The following CATSPERE variants were observed in gnomAD, a reference collection of about 807,000 sequenced individuals.
CATSPERE encodes catsper channel auxiliary subunit epsilon, also known as cation channel sperm-associated auxiliary subunit epsilon.
CATSPERE carries 93 observed loss-of-function variants against 114.1 expected under a neutral mutation model. That is an observed-to-expected ratio of 0.81 (90% CI 0.69 to 0.97). The LOEUF is 0.97. CATSPERE is among the 50% of genes least tolerant of loss of function. CATSPERE has a pLI of 0.00. For missense variants in CATSPERE, 1,058 were observed against 1,131.6 expected, an observed-to-expected ratio of 0.93 and a Z score of 0.93; for synonymous variants, 341 against 384.1, an observed-to-expected ratio of 0.89 and a Z score of 1.31.
intron 8 of CATSPERE, among the ~76,000 whole-genome samples, chr1:244,526,427 AAAAG>A (rs1678612734): frequency 6.6e-6 from 1 of 151,846 alleles, no homozygotes; most frequent in African/African-American, 2.4e-5. Context: ...AAAAAAAAGG[AAAAG>A]AAAATAATTT....
intron 8 of CATSPERE, among the ~76,000 whole-genome samples, chr1:244,548,240 A>G (rs1337873100): frequency 6.6e-6 from 1 of 152,246 alleles, no homozygotes; most frequent in Admixed American, 6.5e-5. Flanking sequence ...CACCATTGTC[A>G]TCACCCAATG....
intron 7 of CATSPERE, 80 bp from the exon 8 acceptor site, chr1:244,518,512 A>G: frequency 1.1e-6 from 1 of 887,516 alleles, no homozygotes; most frequent in Non-Finnish European, 1.8e-6. Context: ...GAAAATAACA[A>G]ATTCAATATA....
At chr1:244,621,030 T>C (rs1387145224) in intron 20 of CATSPERE, among the ~76,000 whole-genome samples, 1 of 99,772 alleles carries the variant, frequency 1.0e-5, no homozygotes, top group East Asian at 2.4e-4. Context: ...TATATATAAA[T>C]ATATATAAAA....
chr1:244,500,825 C>A (rs1673925470), intron 7 of CATSPERE, among the ~76,000 whole-genome samples: 1 of 152,156 alleles, frequency 6.6e-6, no homozygotes, highest in Non-Finnish European at 1.5e-5. Flanking sequence ...CTTGGCTATT[C>A]AGGCTCTGTT....
At chr1:244,586,835 G>A (rs924421453) in intron 13 of CATSPERE, among the ~76,000 whole-genome samples, 2 of 152,144 alleles carry the variant, frequency 1.3e-5, no homozygotes, top group African/African-American at 2.4e-5. Context: ...GGAGCCAGGT[G>A]GAAATGGAAG....
At chr1:244,508,090 C>T (rs1675090798) in intron 7 of CATSPERE, among the ~76,000 whole-genome samples, 1 of 151,908 alleles carries the variant, frequency 6.6e-6, no homozygotes, top group African/African-American at 2.4e-5. Context: ...ATTAATTGGT[C>T]TGATACTGCA....
chr1:244,565,196 G>A (rs1017866180), intron 10 of CATSPERE, among the ~76,000 whole-genome samples: 1 of 152,152 alleles, frequency 6.6e-6, no homozygotes, highest in Non-Finnish European at 1.5e-5. Flanking sequence ...CAGGGATATT[G>A]GCCTGAAATT....
Position 244,605,798 on chromosome 1 carries a change from T to C in CATSPERE, c.2403+4T>C, listed in dbSNP as rs763080765. ...CTTTAATAATACTATGGCACAGGTA[T>C]GGCATCTTTGGATTTAACCAGAATT... is the stretch of plus-strand genomic sequence containing the variant. On this transcript the variant is annotated splice_donor_region_variant and intron_variant, in intron 18 of 21. Coordinates refer to ENST00000366534, the MANE Select transcript of CATSPERE (RefSeq NM_001130957.2). The C allele has an allele frequency of 1.0e-5, 16 of 1,586,072 alleles. No individual in the cohort carries two copies. Among genetic ancestry groups the C allele is most frequent in the Non-Finnish European group, 1.4e-5 (16 of 1,159,810 alleles).
At chr1:244,577,572 TC>T (rs1558528621) in intron 11 of CATSPERE, among the ~76,000 whole-genome samples, 2 of 152,272 alleles carry the variant, frequency 1.3e-5, no homozygotes, top group East Asian at 3.9e-4. Flanking sequence ...GAGGGACCGT[TC>T]CTCACAGACA....
chr1:244,588,217 A>C (rs1223990374), intron 13 of CATSPERE, among the ~76,000 whole-genome samples: 2 of 150,086 alleles, frequency 1.3e-5, no homozygotes, highest in Admixed American at 6.6e-5. Flanking sequence ...AAAAAGATGA[A>C]TTTGGATCAA....
intron 6 of CATSPERE, among the ~76,000 whole-genome samples, chr1:244,497,802 AAAAT>A (rs1279116569): frequency 2.6e-5 from 4 of 152,146 alleles, no homozygotes; most frequent in Non-Finnish European, 4.4e-5. Flanking sequence ...ATCTCAAATA[AAAAT>A]AAATAAAAAT....
Position 244,567,632 on chromosome 1 carries a change from G to A in CATSPERE, c.1508-4698G>A, listed in dbSNP as rs146324603. The stretch of plus-strand genomic sequence containing the variant: ...CTGATATCCTTTCTTCTGCTTGATC[G>A]ATTTGGCTATTGATACTGGTGTATA... On this transcript the variant is annotated intron_variant, in intron 10 of 21. Transcript: ENST00000366534. Among the ~76,000 whole-genome samples the A allele has an allele frequency of 9.6e-3, 1,458 of 151,194 alleles. 27 individuals carry two copies. The highest frequency in any genetic ancestry group is 0.032 in the African/African-American group (1,334 of 41,178).
At chr1:244,496,897 G>A (rs993744735) in intron 6 of CATSPERE, among the ~76,000 whole-genome samples, 1 of 152,114 alleles carries the variant, frequency 6.6e-6, no homozygotes. Flanking sequence ...CAATACAAAA[G>A]CATAAGAATC....
chr1:244,588,870 A>T (rs926091116), intron 14 of CATSPERE, among the ~76,000 whole-genome samples: 3 of 152,206 alleles, frequency 2.0e-5, no homozygotes, highest in African/African-American at 7.2e-5. Flanking sequence ...AGGAGGGAGA[A>T]ACACTTACCA....
At chr1:244,579,581 A>G (rs1205033365) in intron 11 of CATSPERE, among the ~76,000 whole-genome samples, 1 of 152,220 alleles carries the variant, frequency 6.6e-6, no homozygotes, top group Non-Finnish European at 1.5e-5. Context: ...GTGTACTTGC[A>G]TAGTTCAAAC....
chr1:244,498,803 C>T (rs2148274759), intron 6 of CATSPERE, among the ~76,000 whole-genome samples, 199 bp from the exon 7 acceptor site: 1 of 152,230 alleles, frequency 6.6e-6, no homozygotes, highest in South Asian at 2.1e-4. Flanking sequence ...GAGGCTGAGG[C>T]AGGAGAATTG....
intron 8 of CATSPERE, among the ~76,000 whole-genome samples, chr1:244,527,091 G>A (rs1251472076): frequency 6.6e-6 from 1 of 152,158 alleles, no homozygotes; most frequent in Non-Finnish European, 1.5e-5. Context: ...GAAGTTTCAT[G>A]TCCAACTGGG....
chr1:244,596,703 C>T, intron 17 of CATSPERE, among the ~76,000 whole-genome samples: 1 of 151,478 alleles, frequency 6.6e-6, no homozygotes, highest in African/African-American at 2.4e-5. Flanking sequence ...CGCAGCAAAC[C>T]ACCATGGCAC....
At chr1:244,592,317 T>A (rs1436706423) in intron 15 of CATSPERE, among the ~76,000 whole-genome samples, 2 of 152,174 alleles carry the variant, frequency 1.3e-5, no homozygotes, top group East Asian at 3.8e-4. Flanking sequence ...TTTTCTAGAT[T>A]TTATATTTAA....
Sources: allele counts gnomAD v4.1 joint callset (sites outside exome capture counted in the v4.1 genomes callset), GRCh38; gene constraint gnomAD v4.1.1; transcripts MANE v1.5; gene names NCBI Gene and HGNC (gene_info 2026-07-23, HGNC 2026-07-21).